The following TMEM184B variants were observed in gnomAD, a reference collection of about 807,000 sequenced individuals.
The protein encoded by TMEM184B is transmembrane protein 184B, also known as putative MAPK-activating protein FM08.
Under a neutral mutation model 41.8 loss-of-function variants are expected in TMEM184B, and 17 were observed. The ratio of observed to expected loss-of-function variants is 0.41; its 90% CI spans 0.28 to 0.61. TMEM184B has a LOEUF of 0.61. TMEM184B is among the 20% of genes least tolerant of loss of function. The pLI, the probability that TMEM184B is intolerant of heterozygous loss-of-function variation, is 0.34. For synonymous variants in TMEM184B, 240 were observed against 229.5 expected, an observed-to-expected ratio of 1.05 and a Z score of -0.41; for missense variants, 393 against 557.8, an observed-to-expected ratio of 0.70 and a Z score of 2.98.
chr22:38,257,382 T>C (rs927012861), intron 1 of TMEM184B, among the ~76,000 whole-genome samples: 4 of 152,250 alleles, frequency 2.6e-5, no homozygotes, highest in African/African-American at 9.6e-5. Context: ...GCATACTCAG[T>C]GGACGGGATG....
At chr22:38,251,208 C>T (rs1021388797) in intron 1 of TMEM184B, among the ~76,000 whole-genome samples, 2 of 152,218 alleles carry the variant, frequency 1.3e-5, no homozygotes, top group South Asian at 4.1e-4. Flanking sequence ...CGTTTCTGCA[C>T]CGAGGCCAAT....
chr22:38,234,533 T>C (rs1187008186), intron 3 of TMEM184B, among the ~76,000 whole-genome samples: 3 of 152,212 alleles, frequency 2.0e-5, no homozygotes, highest in Non-Finnish European at 2.9e-5. Flanking sequence ...TGTTTTACAC[T>C]AGTGTGTTTT....
intron 3 of TMEM184B, chr22:38,231,578 G>T (rs757294143): frequency 4.7e-6 from 3 of 634,756 alleles, no homozygotes; most frequent in African/African-American, 1.8e-5. Flanking sequence ...CTGCACTGGC[G>T]TAATACTATG....
intron 1 of TMEM184B, among the ~76,000 whole-genome samples, chr22:38,267,008 G>C (rs760347012): frequency 4.6e-5 from 7 of 151,872 alleles, no homozygotes; most frequent in Non-Finnish European, 1.0e-4. Flanking sequence ...GCTTGAACCC[G>C]GGAAGCGGAG....
chr22:38,224,403 C>T (rs545877400), intron 8 of TMEM184B, among the ~76,000 whole-genome samples: 20 of 152,302 alleles, frequency 1.3e-4, no homozygotes, highest in South Asian at 2.1e-4. Flanking sequence ...CGTGAGCCAC[C>T]GTGCCCGGCC....
rs553466531 is a variant in TMEM184B at position 38,242,511 on chromosome 22, T to G, written c.358+3424A>C. On this transcript the variant is annotated intron_variant, in intron 3 of 8. Coordinates refer to ENST00000361906, the MANE Select transcript of TMEM184B (RefSeq NM_012264.5). ...AAAGAAAAAAAGCAAATGACCGTAG[T>G]GCTCAGCTCTGAGCAGGTCCTCAGG... 8.6e-5 allele frequency among the ~76,000 whole-genome samples: 13 copies of G among 151,990 alleles called. No individual in the cohort carries two copies. In the East Asian group the frequency reaches 2.1e-3, roughly 25 times the overall value.
intron 3 of TMEM184B, chr22:38,231,710 T>C (rs985732808): frequency 1.0e-5 from 4 of 391,882 alleles, no homozygotes; most frequent in African/African-American, 2.1e-5. Context: ...GTATTGCCTT[T>C]ATTAGTTTTT....
chr22:38,236,480 CTTTT>C (rs1453301157), intron 3 of TMEM184B, among the ~76,000 whole-genome samples: 1 of 151,860 alleles, frequency 6.6e-6, no homozygotes, highest in Admixed American at 6.6e-5. Flanking sequence ...AAACCATTTC[CTTTT>C]TTTGTTTTTT....
intron 3 of TMEM184B, among the ~76,000 whole-genome samples, chr22:38,243,780 C>T (rs1297603818): frequency 6.6e-6 from 1 of 152,200 alleles, no homozygotes; most frequent in Non-Finnish European, 1.5e-5. Context: ...TGATTAAGTC[C>T]CTTATTCATC....
intron 1 of TMEM184B, among the ~76,000 whole-genome samples, chr22:38,264,024 C>A (rs1388532528): frequency 6.6e-6 from 1 of 152,138 alleles, no homozygotes; most frequent in Non-Finnish European, 1.5e-5. Flanking sequence ...AGGCTGGTCT[C>A]GACCTCCTGA....
intron 3 of TMEM184B, among the ~76,000 whole-genome samples, chr22:38,234,623 A>G (rs185652963): frequency 6.6e-6 from 1 of 152,264 alleles, no homozygotes; most frequent in Admixed American, 6.5e-5. Context: ...TGCTGTGATC[A>G]CTCACGCCTG....
In TMEM184B at chr22:38,227,137, T is replaced by C. The variant is rs553034724; in HGVS notation, c.526-267A>G. Among the ~76,000 whole-genome samples the C allele has an allele frequency of 3.3e-5, 5 of 151,010 alleles. No individual in the cohort carries two copies. In the East Asian group the frequency reaches 5.9e-4, roughly 18 times the overall value. On this transcript the variant is annotated intron_variant, in intron 5 of 8. Transcript: ENST00000361906. ...TGCGCGGGGCGGGGGGCAGAACATA[T>C]AGGAGATGCAGCCAGCGCAATGCCG...
At chr22:38,272,027 G>A (rs1004991544) in intron 1 of TMEM184B, among the ~76,000 whole-genome samples, 1 of 152,232 alleles carries the variant, frequency 6.6e-6, no homozygotes, top group Non-Finnish European at 1.5e-5. Context: ...CCAGCAGTCA[G>A]ATAAATAATA....
intron 1 of TMEM184B, among the ~76,000 whole-genome samples, chr22:38,258,928 G>A (rs1404574453): frequency 2.0e-5 from 3 of 152,076 alleles, no homozygotes; most frequent in East Asian, 1.9e-4. Context: ...ATCCAGTGTC[G>A]TTTATTTCTA....
At chr22:38,268,082 C>T (rs905242446) in intron 1 of TMEM184B, among the ~76,000 whole-genome samples, 4 of 152,160 alleles carry the variant, frequency 2.6e-5, no homozygotes, top group African/African-American at 4.8e-5. Context: ...AATGAGTGCC[C>T]GGTAAGAATG....
intron 3 of TMEM184B, chr22:38,231,631 G>A (rs1472005604): frequency 2.8e-5 from 15 of 536,116 alleles, no homozygotes; most frequent in Non-Finnish European, 4.8e-5. Context: ...GAGGCCAGAG[G>A]AGGCTGAGGT....
intron 3 of TMEM184B, chr22:38,231,889 A>G: frequency 4.7e-6 from 1 of 214,518 alleles, no homozygotes; most frequent in Non-Finnish European, 9.5e-6. Flanking sequence ...TTGCCGAAGG[A>G]GGGGTGAACC....
chr22:38,230,752 A>G lies in TMEM184B; in HGVS notation c.450-8T>C. 7 of 1,610,520 alleles carry G rather than the reference A, an allele frequency of 4.3e-6. No individual in the cohort carries two copies. Among genetic ancestry groups the G allele is most frequent in the Non-Finnish European group, 5.9e-6 (7 of 1,178,458 alleles). The stretch of plus-strand genomic sequence containing the variant: ...CCATACATACAGCTGGACCTGGAAG[A>G]GACAAGCATAGCAGGCAGTGGCAGT... On this transcript the variant is annotated splice_region_variant and splice_polypyrimidine_tract_variant and intron_variant, in intron 4 of 8. Transcript: ENST00000361906.
At chr22:38,253,084 G>C (rs375069060) in intron 1 of TMEM184B, among the ~76,000 whole-genome samples, 2 of 152,194 alleles carry the variant, frequency 1.3e-5, no homozygotes, top group South Asian at 4.1e-4. Context: ...AGAGCTTGCA[G>C]TGAGCCGAGA....
Sources: gnomAD v4.1 joint callset for allele counts (sites outside exome capture counted in the v4.1 genomes callset) on GRCh38, gnomAD v4.1.1 for gene constraint, MANE v1.5 for transcripts, NCBI Gene and HGNC (gene_info 2026-07-23, HGNC 2026-07-21) for gene names.